Variants in STAU2 observed in about 807,000 individuals in gnomAD.
STAU2 encodes the protein staufen double-stranded RNA binding protein 2, also known as double-stranded RNA-binding protein Staufen homolog 2.
Under a neutral mutation model 65.9 loss-of-function variants are expected in STAU2, and 20 were observed. The observed-to-expected ratio is 0.30, with a 90% confidence interval of 0.21 to 0.44. The LOEUF (loss-of-function observed/expected upper bound fraction) is 0.44. Among genes scored for constraint, STAU2 ranks in the 20% least tolerant of loss-of-function variants. The probability of loss-of-function intolerance (pLI) is 1.00; values close to 1 mark genes in which losing one functional copy is unlikely to be tolerated. For missense variants in STAU2, 558 were observed against 683.9 expected, an observed-to-expected ratio of 0.82 and a Z score of 2.05; for synonymous variants, 232 against 233.9, an observed-to-expected ratio of 0.99 and a Z score of 0.07.
At chr8:73,697,143 T>A (rs555599548) in intron 4 of STAU2, among the ~76,000 whole-genome samples, 1 of 152,284 alleles carries the variant, frequency 6.6e-6, no homozygotes, top group East Asian at 1.9e-4. Flanking sequence ...AACCTCCACC[T>A]CCCAGGTTCA....
chr8:73,428,728 G>C (rs1394489632), intron 13 of STAU2, among the ~76,000 whole-genome samples: 1 of 152,132 alleles, frequency 6.6e-6, no homozygotes, highest in Non-Finnish European at 1.5e-5. Context: ...TTGGTTCTTA[G>C]TGTGGCCTGA....
chr8:73,593,914 G>C (rs78248935), intron 11 of STAU2, among the ~76,000 whole-genome samples: 4,310 of 151,302 alleles, frequency 0.028, 175 homozygotes, highest in African/African-American at 0.096. Flanking sequence ...CACGTTGATG[G>C]TTCTTTTTCT....
intron 12 of STAU2, among the ~76,000 whole-genome samples, chr8:73,573,345 T>G (rs1265765234): frequency 6.6e-6 from 1 of 152,248 alleles, no homozygotes; most frequent in East Asian, 1.9e-4. Context: ...ATTTATAGAT[T>G]CAATGCCATT....
At chr8:73,631,181 C>T (rs2130026600) in intron 6 of STAU2, among the ~76,000 whole-genome samples, 1 of 152,214 alleles carries the variant, frequency 6.6e-6, no homozygotes, top group East Asian at 1.9e-4. Flanking sequence ...AATAGCAAGA[C>T]TGTCTCTACA....
At chr8:73,499,755 C>T (rs1364429956) in intron 13 of STAU2, among the ~76,000 whole-genome samples, 1 of 151,708 alleles carries the variant, frequency 6.6e-6, no homozygotes, top group African/African-American at 2.4e-5. Flanking sequence ...ATTAGGGAGA[C>T]ATTTGTAAGT....
intron 13 of STAU2, among the ~76,000 whole-genome samples, chr8:73,524,944 G>A (rs1189749231): frequency 3.3e-5 from 5 of 152,084 alleles, no homozygotes; most frequent in Non-Finnish European, 7.4e-5. Context: ...TTGGGGAGAG[G>A]GTAACGGCAA....
At chr8:73,599,915 C>T (rs570157546) in intron 10 of STAU2, among the ~76,000 whole-genome samples, 14 of 152,222 alleles carry the variant, frequency 9.2e-5, no homozygotes, top group Admixed American at 7.9e-4. Flanking sequence ...CTACAGGTGC[C>T]CACCACCATG....
rs1812644557 is a variant in STAU2, at chr8:73,613,849, C to T, written c.786G>A (p.Lys262=). ...GEGNSKKLSK[K]RAATTVLQEL... is the part of the protein sequence containing the mutation. ...CCTGTAAGACGGTGGTCGCAGCGCG[C>T]TTCTTGGAGAGTTTTTTGCTATTTC... Residue 262 remains lysine (K), a synonymous_variant, in exon 9 of 15, where the codon AAG becomes AAA. Coordinates refer to ENST00000524300, the MANE Select transcript of STAU2 (RefSeq NM_001164380.2). The T allele has an allele frequency of 8.1e-6, 13 of 1,613,616 alleles. No individual in the cohort carries two copies. The highest frequency in any genetic ancestry group is 1.0e-5 in the Non-Finnish European group (12 of 1,179,824).
chr8:73,697,009 C>A (rs1819730311), intron 4 of STAU2, among the ~76,000 whole-genome samples: 1 of 151,948 alleles, frequency 6.6e-6, no homozygotes, highest in South Asian at 2.1e-4. Flanking sequence ...AAATAACATA[C>A]AATAGAGCTC....
chr8:73,442,853 G>T (rs1322409830), intron 13 of STAU2, among the ~76,000 whole-genome samples: 1 of 152,148 alleles, frequency 6.6e-6, no homozygotes, highest in Non-Finnish European at 1.5e-5. Context: ...TTGCCTGAGG[G>T]TACATTCCCT....
At chr8:73,601,955 C>T (rs1425511949) in intron 10 of STAU2, among the ~76,000 whole-genome samples, 1 of 152,096 alleles carries the variant, frequency 6.6e-6, no homozygotes, top group Non-Finnish European at 1.5e-5. Context: ...AAATAGTGAA[C>T]ATATTTTACC....
At chr8:73,723,382 T>C (rs956080883) in intron 3 of STAU2, among the ~76,000 whole-genome samples, 3 of 152,270 alleles carry the variant, frequency 2.0e-5, no homozygotes, top group African/African-American at 7.2e-5. Context: ...GGTGTAGTTT[T>C]ATGTTTCTTA....
At chr8:73,696,811 GA>G in intron 4 of STAU2, among the ~76,000 whole-genome samples, 1 of 152,138 alleles carries the variant, frequency 6.6e-6, no homozygotes, top group Non-Finnish European at 1.5e-5. Context: ...GATAACAGTA[GA>G]AAGTTTATTC....
intron 3 of STAU2, among the ~76,000 whole-genome samples, chr8:73,720,343 C>T (rs1378818801): frequency 6.6e-6 from 1 of 150,882 alleles, no homozygotes; most frequent in African/African-American, 2.4e-5. Context: ...TTTTTCTAGT[C>T]TTTTAAGATG....
intron 13 of STAU2, among the ~76,000 whole-genome samples, chr8:73,493,241 GATAA>G (rs1363094073): frequency 2.0e-5 from 3 of 151,498 alleles, no homozygotes; most frequent in Non-Finnish European, 4.4e-5. Flanking sequence ...GTTTCTTAAA[GATAA>G]ATAATCATAA....
intron 13 of STAU2, among the ~76,000 whole-genome samples, chr8:73,450,507 G>A (rs868746587): frequency 1.3e-5 from 2 of 152,186 alleles, no homozygotes; most frequent in Admixed American, 1.3e-4. Context: ...GTAATAAGAC[G>A]TTTGGGGGCT....
At chr8:73,428,543 T>C (rs1036685282) in intron 13 of STAU2, among the ~76,000 whole-genome samples, 1 of 152,156 alleles carries the variant, frequency 6.6e-6, no homozygotes, top group Non-Finnish European at 1.5e-5. Context: ...AGCCAGGAAA[T>C]GGAACTGTGC....
chr8:73,538,883 T>C (rs1440042367), intron 13 of STAU2, among the ~76,000 whole-genome samples: 1 of 152,162 alleles, frequency 6.6e-6, no homozygotes, highest in Non-Finnish European at 1.5e-5. Context: ...ATTTTTACTC[T>C]AAGAAAGCAT....
At position 73,436,759 on chromosome 8, in the gene STAU2, G is replaced by A. The variant is rs551221284; in HGVS notation, c.1531-14057C>T. On this transcript the variant is annotated intron_variant, in intron 13 of 14. Coordinates refer to ENST00000524300, the MANE Select transcript of STAU2 (RefSeq NM_001164380.2). ...GCACCACCACACCCAGCTGATTTTT[G>A]TATTTTCAGTAGAGACGGGTTTTCA... 3.9e-5 allele frequency among the ~76,000 whole-genome samples: 6 copies of A among 151,932 alleles called. No homozygotes were observed. The East Asian group carries it at 1.2e-3, about 30-fold the overall frequency.
Sources: allele counts gnomAD v4.1 joint callset (sites outside exome capture counted in the v4.1 genomes callset), GRCh38; gene constraint gnomAD v4.1.1; transcripts MANE v1.5; gene names NCBI Gene and HGNC (gene_info 2026-07-23, HGNC 2026-07-21).